Variants in MFHAS1 observed in about 807,000 individuals in gnomAD.
MFHAS1 encodes the protein malignant fibrous histiocytoma-amplified sequence 1.
In MFHAS1, 50 loss-of-function variants were observed where a neutral mutation model predicts 70.4. That is an observed-to-expected ratio of 0.71 (90% CI 0.57 to 0.90). MFHAS1 has a LOEUF of 0.90. Among genes scored for constraint, MFHAS1 ranks in the 40% least tolerant of loss-of-function variants. The probability of loss-of-function intolerance (pLI) is 0.00; values close to 1 mark genes in which losing one functional copy is unlikely to be tolerated. For synonymous variants in MFHAS1, 952 were observed against 620.0 expected (o/e 1.54, Z -7.96); for missense variants, 1,795 against 1,347.6 (o/e 1.33, Z -5.20).
intron 1 of MFHAS1, among the ~76,000 whole-genome samples, chr8:8,855,818 T>C (rs1253854237): frequency 6.6e-6 from 1 of 152,150 alleles, no homozygotes; most frequent in Non-Finnish European, 1.5e-5. Flanking sequence ...ATCACGCCAC[T>C]GCACTCCAGC....
At chr8:8,856,266 AG>A (rs756823699) in intron 1 of MFHAS1, among the ~76,000 whole-genome samples, 4 of 152,234 alleles carry the variant, frequency 2.6e-5, no homozygotes, top group Non-Finnish European at 5.9e-5. Context: ...AAGCCAGGAC[AG>A]TGCTGGAGAG....
rs1585012881 is a variant in MFHAS1, at chr8:8,785,935, T to G, written c.*87A>C. 1 of 1,187,660 alleles carries G rather than the reference T, an allele frequency of 8.4e-7. No homozygotes were observed. Among genetic ancestry groups the G allele is most frequent in the South Asian group, 1.2e-5 (1 of 82,796 alleles). The allele number at this position is 1,187,660 out of a possible 1,614,324, so 73.6% of individuals were successfully genotyped here. ...CTCAAGTTCACAGAACACGCTGGGG[T>G]GAGTGCAGAGGGTCTGCCAGGTGCA... is the stretch of plus-strand genomic sequence containing the variant. On this transcript the variant is annotated 3_prime_UTR_variant, in exon 3 of 3. Coordinates refer to ENST00000276282, the MANE Select transcript of MFHAS1 (RefSeq NM_004225.3).
chr8:8,825,540 T>C (rs1416031889), intron 1 of MFHAS1, among the ~76,000 whole-genome samples: 1 of 152,196 alleles, frequency 6.6e-6, no homozygotes, highest in Non-Finnish European at 1.5e-5. Context: ...CTGGCAGGGT[T>C]GGTTTCTTCT....
chr8:8,893,276 T>A lies in MFHAS1; in HGVS notation c.-218A>T. On this transcript the variant is annotated 5_prime_UTR_variant, in exon 1 of 3. The change creates a new upstream start codon in the 5' untranslated region. Coordinates refer to ENST00000276282, the MANE Select transcript of MFHAS1 (RefSeq NM_004225.3). ...GGACGCCGAGCGCGTGGAGAGCAGC[T>A]TGCATTCTCCCTGCGGCCGGGCCAT... 6.5e-6 allele frequency: 1 copy of A among 153,988 alleles called. No individual in the cohort carries two copies. Among genetic ancestry groups the A allele is most frequent in the Non-Finnish European group, 1.4e-5 (1 of 71,652 alleles). The allele number at this position is 153,988 out of a possible 1,614,324, so 9.5% of individuals were successfully genotyped here. A position where few individuals can be genotyped will look rare whatever the true frequency, so the allele number is the denominator to read the frequency against.
At chr8:8,808,418 G>C (rs1403256517) in intron 1 of MFHAS1, among the ~76,000 whole-genome samples, 1 of 152,236 alleles carries the variant, frequency 6.6e-6, no homozygotes, top group African/African-American at 2.4e-5. Context: ...AAGTGTTGCA[G>C]TGCTTAATAC....
intron 1 of MFHAS1, among the ~76,000 whole-genome samples, chr8:8,866,939 C>A (rs1267851099): frequency 1.3e-5 from 2 of 152,036 alleles, no homozygotes; most frequent in African/African-American, 4.8e-5. Flanking sequence ...ATATCTGATA[C>A]AAGACAATTT....
chr8:8,814,716 G>T (rs1052749159), intron 1 of MFHAS1, among the ~76,000 whole-genome samples: 10 of 152,082 alleles, frequency 6.6e-5, no homozygotes, highest in African/African-American at 2.2e-4. Flanking sequence ...TTTTAAATGG[G>T]TAAAGTTCTA....
At chr8:8,867,064 T>C (rs1190542469) in intron 1 of MFHAS1, among the ~76,000 whole-genome samples, 1 of 152,208 alleles carries the variant, frequency 6.6e-6, no homozygotes, top group Non-Finnish European at 1.5e-5. Context: ...TAGCTTACAG[T>C]TCAGCTACAC....
At chr8:8,839,873 T>C (rs1003609663) in intron 1 of MFHAS1, among the ~76,000 whole-genome samples, 1 of 152,168 alleles carries the variant, frequency 6.6e-6, no homozygotes, top group East Asian at 1.9e-4. Context: ...GAACCTACCA[T>C]GCCTGGACTG....
intron 1 of MFHAS1, among the ~76,000 whole-genome samples, chr8:8,810,570 G>A (rs1169456126): frequency 6.6e-6 from 1 of 152,128 alleles, no homozygotes; most frequent in Non-Finnish European, 1.5e-5. Flanking sequence ...CCACTGAACA[G>A]TAAATACATT....
At chr8:8,825,266 G>A (rs1369275515) in intron 1 of MFHAS1, among the ~76,000 whole-genome samples, 7 of 152,244 alleles carry the variant, frequency 4.6e-5, no homozygotes, top group Admixed American at 6.5e-5. Flanking sequence ...TCCGCCTCCC[G>A]GGTTCAAGGA....
intron 1 of MFHAS1, among the ~76,000 whole-genome samples, chr8:8,816,664 G>C (rs1480213970): frequency 6.6e-6 from 1 of 152,144 alleles, no homozygotes; most frequent in Non-Finnish European, 1.5e-5. Flanking sequence ...CATGTAGAAA[G>C]TTCTCATATT....
chr8:8,868,749 G>A (rs1466846432), intron 1 of MFHAS1, among the ~76,000 whole-genome samples: 1 of 152,142 alleles, frequency 6.6e-6, no homozygotes, highest in Non-Finnish European at 1.5e-5. Context: ...AACATAGAAA[G>A]AAGTTATAAA....
intron 1 of MFHAS1, among the ~76,000 whole-genome samples, chr8:8,852,492 CAT>C (rs35233941): frequency 0.04 from 2,888 of 71,704 alleles, 55 homozygotes; most frequent in African/African-American, 0.071. Flanking sequence ...CACACACACA[CAT>C]ACACACAAAC....
At chr8:8,792,338 C>A (rs11997731) in intron 2 of MFHAS1, among the ~76,000 whole-genome samples, 1 of 151,944 alleles carries the variant, frequency 6.6e-6, no homozygotes, top group Admixed American at 6.5e-5. Context: ...GCGTGGCTCA[C>A]GCCTGTAATC....
intron 1 of MFHAS1, among the ~76,000 whole-genome samples, chr8:8,810,291 G>A (rs1050863801): frequency 6.6e-6 from 1 of 152,200 alleles, no homozygotes; most frequent in African/African-American, 2.4e-5. Flanking sequence ...GCTTGAACCT[G>A]GGAGGTGGAG....
chr8:8,827,556 G>C (rs180893073), intron 1 of MFHAS1, among the ~76,000 whole-genome samples: 1 of 152,178 alleles, frequency 6.6e-6, no homozygotes, highest in African/African-American at 2.4e-5. Context: ...AATGAACATT[G>C]GTTTAACTAT....
chr8:8,861,112 T>C (rs1808643618), intron 1 of MFHAS1, among the ~76,000 whole-genome samples: 1 of 152,236 alleles, frequency 6.6e-6, no homozygotes, highest in South Asian at 2.1e-4. Context: ...TCCACTGTAA[T>C]TTCAAGTAGA....
At chr8:8,841,321 A>C (rs1262030703) in intron 1 of MFHAS1, among the ~76,000 whole-genome samples, 1 of 152,058 alleles carries the variant, frequency 6.6e-6, no homozygotes, top group Non-Finnish European at 1.5e-5. Context: ...CTAAAAATAC[A>C]AAAATGAGCT....
Sources: allele counts gnomAD v4.1 joint callset (sites outside exome capture counted in the v4.1 genomes callset), GRCh38; gene constraint gnomAD v4.1.1; transcripts MANE v1.5; gene names NCBI Gene and HGNC (gene_info 2026-07-23, HGNC 2026-07-21).